DNTTIP2: variants seen among roughly 807,000 people sequenced by gnomAD.
DNTTIP2 encodes the protein deoxynucleotidyltransferase terminal interacting protein 2.
DNTTIP2 carries 47 observed loss-of-function variants against 62.4 expected under a neutral mutation model. The ratio of observed to expected loss-of-function variants is 0.75; its 90% CI spans 0.60 to 0.96. The LOEUF (loss-of-function observed/expected upper bound fraction) is 0.96. Ranked by LOEUF, DNTTIP2 falls within the 40% of genes least tolerant of loss-of-function variation. DNTTIP2 has a pLI of 0.00. For synonymous variants in DNTTIP2, 322 were observed against 300.9 expected (o/e 1.07, Z -0.73); for missense variants, 870 against 849.1 (o/e 1.02, Z -0.31).
rs973735907 is a variant in DNTTIP2, at chr1:93,876,762, A to C, written c.1173T>G (p.Phe391Leu). Residue 391 changes from phenylalanine (F) to leucine (L), a missense_variant, in exon 2 of 7, where the codon TTT (phenylalanine) becomes TTG (leucine). Physicochemically the swap from Phe to Leu is conservative, Grantham distance 22. Transcript: ENST00000436063. ...SPIKASDLTK[F>L]GDCGGSDDEE... ...CATCATCACTACCACCACAATCACC[A>C]AACTTTGTCAAGTCACTTGCTTTTA... 5 of 1,613,982 alleles carry C rather than the reference A, an allele frequency of 3.1e-6. No homozygotes were observed. In the Admixed American group the frequency reaches 8.3e-5, roughly 27 times the overall value.
chr1:93,869,699 G>A lies in DNTTIP2; in HGVS notation c.*152C>T, dbSNP rs759497424. Reference sequence around the variant, plus strand: ...CCCTATTTTCTAAGGGCATGTAATCGATTCTCAAATCAACTTTTTCCAAAT... The same window carrying A: ...CCCTATTTTCTAAGGGCATGTAATCAATTCTCAAATCAACTTTTTCCAAAT... On this transcript the variant is annotated 3_prime_UTR_variant, in exon 7 of 7. Coordinates refer to ENST00000436063, the MANE Select transcript of DNTTIP2 (RefSeq NM_014597.5). 4 of 587,652 alleles carry A rather than the reference G, an allele frequency of 6.8e-6. 1 individual carries two copies. In the Admixed American group the frequency reaches 9.1e-5, roughly 13 times the overall value. The allele number at this position is 587,652 out of a possible 1,614,324, so 36.4% of individuals were successfully genotyped here.
chr1:93,875,469 A>C (rs893592483), intron 3 of DNTTIP2, among the ~76,000 whole-genome samples, 176 bp downstream of exon 3: 3 of 152,258 alleles, frequency 2.0e-5, no homozygotes, highest in Non-Finnish European at 4.4e-5. Context: ...TTAAAGCATT[A>C]TCATTCATAG....
rs1283735034 is a variant in DNTTIP2 at position 93,879,190 on chromosome 1, TGG to T, written c.-44_-43del. The T allele has an allele frequency of 6.2e-7, 1 of 1,602,702 alleles. No homozygotes were observed. The highest frequency in any genetic ancestry group is 1.3e-5 in the African/African-American group (1 of 74,508). On this transcript the variant is annotated 5_prime_UTR_variant, in exon 1 of 7. Coordinates refer to ENST00000436063, the MANE Select transcript of DNTTIP2 (RefSeq NM_014597.5). ...CGACCACCACGACTTCCCTCTTCCCTGGCGCTCCGGAAATGCGTCAGAGAACT... is the reference window on the plus strand; with the variant it reads ...CGACCACCACGACTTCCCTCTTCCCTCGCTCCGGAAATGCGTCAGAGAACT...
chr1:93,869,422 C>T lies in DNTTIP2; in HGVS notation c.*429G>A, dbSNP rs1034722005. On this transcript the variant is annotated 3_prime_UTR_variant, in exon 7 of 7. Coordinates refer to ENST00000436063, the MANE Select transcript of DNTTIP2 (RefSeq NM_014597.5). ...ATTGCCTCTCTACCATCTCCCGTCC[C>T]CTACACAGACACACACACACATACA... is the stretch of plus-strand genomic sequence containing the variant. The T allele has an allele frequency of 2.6e-5, 4 of 154,504 alleles. No individual in the cohort carries two copies. Among genetic ancestry groups the T allele is most frequent in the African/African-American group, 9.7e-5 (4 of 41,448 alleles). The allele number at this position is 154,504 out of a possible 1,614,324, so 9.6% of individuals were successfully genotyped here. A position where few individuals can be genotyped will look rare whatever the true frequency, so the allele number is the denominator to read the frequency against.
At position 93,877,374 on chromosome 1, in the gene DNTTIP2, C is replaced by G; in HGVS notation, c.561G>C (p.Glu187Asp). 2.5e-6 allele frequency: 4 copies of G among 1,613,822 alleles called. No homozygotes were observed. The highest frequency in any genetic ancestry group is 1.7e-5 in the Admixed American group (1 of 60,010). ...AGAATGAAATGTCTGAGCTTGATGT[C>G]TCAGCATCAGATATAGCTTCTGTAT... ...ESHTEAISDA[E>D]TSSSDISFSG... is the part of the protein sequence containing the mutation. Residue 187 changes from glutamate to aspartate, a missense_variant, in exon 2 of 7, where the codon GAG (glutamate) becomes GAC (aspartate). Coordinates refer to ENST00000436063, the MANE Select transcript of DNTTIP2 (RefSeq NM_014597.5).
intron 5 of DNTTIP2, among the ~76,000 whole-genome samples, chr1:93,871,259 C>G (rs1452569355): frequency 1.3e-5 from 2 of 152,216 alleles, no homozygotes; most frequent in Non-Finnish European, 2.9e-5. Context: ...CACTGTGTTA[C>G]ATGTTAGGGA....
chr1:93,873,630 A>T (rs1299919909), intron 3 of DNTTIP2, among the ~76,000 whole-genome samples: 3 of 151,526 alleles, frequency 2.0e-5, no homozygotes, highest in East Asian at 3.9e-4. Context: ...CCCAAAAAAA[A>T]AAAGAAAAAA....
At position 93,876,850 on chromosome 1, in the gene DNTTIP2, G is replaced by T. The variant is rs367759467; in HGVS notation, c.1085C>A (p.Ser362Ter). 6.2e-7 allele frequency: 1 copy of T among 1,613,794 alleles called. No individual in the cohort carries two copies. Among genetic ancestry groups the T allele is most frequent in the African/African-American group, 1.3e-5 (1 of 74,916 alleles). ...CACAGTTGCAAATGTTTGAGTTAAT[G>T]ATTTCATTACAGCCTCAGAGTTCAG... ...SNLNSEAVMK[S>*]LTQTFATVEV... The change falls in exon 2 of 7, where the codon TCA becomes TAA. Residue 362 changes from serine (S) to a stop codon, truncating the protein, a stop_gained. Transcript: ENST00000436063. LOFTEE classifies it high-confidence loss of function.
chr1:93,875,510 T>G, intron 3 of DNTTIP2, 135 bp downstream of exon 3: 1 of 814,658 alleles, frequency 1.2e-6, no homozygotes, highest in South Asian at 2.2e-5. Context: ...GAAATGACTG[T>G]TTTAGAGAGA....
intron 3 of DNTTIP2, 90 bp downstream of exon 3, chr1:93,875,555 C>A: frequency 7.3e-7 from 1 of 1,378,550 alleles, no homozygotes; most frequent in Non-Finnish European, 9.8e-7. Flanking sequence ...AATGTGGTTT[C>A]ACTGTAGGAA....
intron 1 of DNTTIP2, 30 bp from the exon 2 acceptor site, chr1:93,877,892 T>C (rs1194956425): frequency 6.3e-7 from 1 of 1,583,290 alleles, no homozygotes; most frequent in South Asian, 1.1e-5. Flanking sequence ...CACTGTAATT[T>C]AGGTAGGGCT....
rs1055004656 is a variant in DNTTIP2 at position 93,867,308 on chromosome 1, C to T, written c.*2543G>A. The stretch of plus-strand genomic sequence containing the variant: ...TCTTTATACTTTTCTGGTATAAAGC[C>T]TTCAAATAGTTCCAGTTGGCTGGGC... On this transcript the variant is annotated 3_prime_UTR_variant, in exon 7 of 7. Transcript: ENST00000436063. 4.0e-4 allele frequency: 60 copies of T among 151,890 alleles called. No homozygotes were observed. Among genetic ancestry groups the T allele is most frequent in the African/African-American group, 1.4e-3 (59 of 41,392 alleles). The allele number at this position is 151,890 out of a possible 1,614,324, so 9.4% of individuals were successfully genotyped here.
In DNTTIP2 at chr1:93,876,844, G is replaced by A. The variant is rs373657077; in HGVS notation, c.1091C>T (p.Thr364Ile). The change falls in exon 2 of 7, where the codon ACT becomes ATT. Residue 364 changes from threonine (T) to isoleucine (I), a missense_variant. Transcript: ENST00000436063. ...LNSEAVMKSL[T>I]QTFATVEVGR... ...TACTTCCACAGTTGCAAATGTTTGA[G>A]TTAATGATTTCATTACAGCCTCAGA... The A allele has an allele frequency of 3.1e-6, 5 of 1,613,826 alleles. No individual in the cohort carries two copies. The African/African-American group carries it at 6.7e-5, about 22-fold the overall frequency.
At chr1:93,871,501 G>A (rs756849492) in intron 5 of DNTTIP2, among the ~76,000 whole-genome samples, 70 of 152,174 alleles carry the variant, frequency 4.6e-4, no homozygotes, top group Non-Finnish European at 9.3e-4. Flanking sequence ...CTATGGATAT[G>A]CAAAGTCAAA....
At chr1:93,870,619 T>G (rs1266589215) in intron 6 of DNTTIP2, 64 bp downstream of exon 6, 7 of 828,394 alleles carry the variant, frequency 8.5e-6, no homozygotes, top group Non-Finnish European at 1.1e-5. Context: ...ATTTGAAAAT[T>G]TATAAGTTTA....
At chr1:93,875,562 G>C in intron 3 of DNTTIP2, 83 bp downstream of exon 3, 1 of 1,445,022 alleles carries the variant, frequency 6.9e-7, no homozygotes, top group Admixed American at 2.4e-5. Context: ...TTTCACTGTA[G>C]GAAAATTAAG....
chr1:93,878,968 G>A (rs966721414), intron 1 of DNTTIP2, 109 bp downstream of exon 1: 15 of 1,409,120 alleles, frequency 1.1e-5, no homozygotes, highest in Non-Finnish European at 1.3e-5. Context: ...GCAAGCTCGG[G>A]TCCTCTCTGT....
chr1:93,872,912 G>A (rs1328471548), intron 4 of DNTTIP2, among the ~76,000 whole-genome samples: 1 of 151,580 alleles, frequency 6.6e-6, no homozygotes, highest in African/African-American at 2.4e-5. Flanking sequence ...TCTACTTATA[G>A]ATGCACTATT....
Position 93,876,452 on chromosome 1 carries a change from G to A in DNTTIP2, c.1483C>T (p.Pro495Ser), listed in dbSNP as rs1360300442. The change falls in exon 2 of 7, where the codon CCT becomes TCT. Residue 495 changes from proline to serine, a missense_variant. By Grantham distance (74) the Pro-to-Ser change is moderately conservative. Transcript: ENST00000436063. ...DNALFVIDTT[P>S]GMSADKNFYL... ...AAATTTTTATCAGCACTCATTCCAG[G>A]AGTTGTGTCAATTACAAACAATGCA... is the stretch of plus-strand genomic sequence containing the variant. 1.8e-5 allele frequency: 29 copies of A among 1,613,698 alleles called. No homozygotes were observed. Among genetic ancestry groups the A allele is most frequent in the Non-Finnish European group, 2.4e-5 (28 of 1,179,842 alleles).
Sources: gnomAD v4.1 joint callset for allele counts (sites outside exome capture counted in the v4.1 genomes callset) on GRCh38, gnomAD v4.1.1 for gene constraint, MANE v1.5 for transcripts, NCBI Gene and HGNC (gene_info 2026-07-23, HGNC 2026-07-21) for gene names.